PPARGC1A: variants seen among roughly 807,000 people sequenced by gnomAD.
PPARGC1A encodes the protein peroxisome proliferator-activated receptor gamma coactivator 1-alpha.
A neutral mutation model predicts 88.7 loss-of-function variants in PPARGC1A; 25 were observed. The ratio of observed to expected loss-of-function variants is 0.28; its 90% CI spans 0.21 to 0.39. PPARGC1A has a LOEUF of 0.39. Among genes scored for constraint, PPARGC1A ranks in the 10% least tolerant of loss-of-function variants. The probability of loss-of-function intolerance (pLI) is 1.00; values close to 1 mark genes in which losing one functional copy is unlikely to be tolerated. For missense variants in PPARGC1A, 880 were observed against 968.7 expected (o/e 0.91, Z 1.22); for synonymous variants, 363 against 355.6 (o/e 1.02, Z -0.24).
chr4:24,429,582 AG>A, the PPARGC1A span, among the ~76,000 whole-genome samples: 6 of 152,262 alleles, frequency 3.9e-5, no homozygotes, highest in South Asian at 1.2e-3. Context: ...CCAACAGAAA[AG>A]CAAAGCAGCC....
At chr4:24,153,114 C>G in the PPARGC1A span, among the ~76,000 whole-genome samples, 3 of 152,152 alleles carry the variant, frequency 2.0e-5, no homozygotes, top group Non-Finnish European at 4.4e-5. Context: ...AAATGCAGAA[C>G]TCAGATTCAG....
chr4:23,997,591 C>T, the PPARGC1A span, among the ~76,000 whole-genome samples: 7 of 150,620 alleles, frequency 4.6e-5, no homozygotes, highest in African/African-American at 1.7e-4. Context: ...CAACCTCCAC[C>T]TCCTGGGTTC....
chr4:24,161,961 T>TATATAC, the PPARGC1A span, among the ~76,000 whole-genome samples: 7 of 133,862 alleles, frequency 5.2e-5, no homozygotes, highest in Non-Finnish European at 7.9e-5. Context: ...AATTGTGATA[T>TATATAC]ACACACACAC....
At chr4:24,111,465 T>C in the PPARGC1A span, among the ~76,000 whole-genome samples, 6 of 152,206 alleles carry the variant, frequency 3.9e-5, no homozygotes, top group African/African-American at 1.4e-4. Flanking sequence ...ACAACTAACT[T>C]GCTACCAGAT....
At chr4:23,997,356 T>A in the PPARGC1A span, among the ~76,000 whole-genome samples, 28 of 152,258 alleles carry the variant, frequency 1.8e-4, no homozygotes, top group Admixed American at 7.8e-4. Context: ...TCCTTTTTTT[T>A]ATCTAAGGTT....
At position 23,896,186 on chromosome 4, in the gene PPARGC1A, C is replaced by G. The variant is rs4536908; in HGVS notation, n.52+3081G>C. 1.6e-3 allele frequency among the ~76,000 whole-genome samples: 243 copies of G among 151,716 alleles called. 1 individual carries two copies. Among genetic ancestry groups the G allele is most frequent in the African/African-American group, 5.0e-3 (209 of 41,414 alleles). On this transcript the variant is annotated intron_variant and non_coding_transcript_variant, in intron 1 of 3. Coordinates refer to the PPARGC1A transcript ENST00000507342. ...TGAGGAGGAAATGTAACAAGCTGTT[C>G]GTAGTGGCTGACGACGTTATAAGTA...
At chr4:23,993,808 A>G in the PPARGC1A span, among the ~76,000 whole-genome samples, 1 of 152,162 alleles carries the variant, frequency 6.6e-6, no homozygotes, top group African/African-American at 2.4e-5. Flanking sequence ...GATAGAAGGA[A>G]GAAAGCTTTC....
chr4:23,894,841 T>C (rs1279961236), upstream of PPARGC1A, among the ~76,000 whole-genome samples: 1 of 152,168 alleles, frequency 6.6e-6, no homozygotes, highest in Non-Finnish European at 1.5e-5. Context: ...TGATTTTGTC[T>C]GATGTTCAAC....
the PPARGC1A span, among the ~76,000 whole-genome samples, chr4:24,357,752 T>A: frequency 6.6e-6 from 1 of 152,198 alleles, no homozygotes; most frequent in Non-Finnish European, 1.5e-5. Context: ...ATAAGTCTCA[T>A]GATATCTGAT....
the PPARGC1A span, among the ~76,000 whole-genome samples, chr4:24,446,744 C>T: frequency 1.3e-5 from 2 of 151,934 alleles, no homozygotes; most frequent in African/African-American, 4.8e-5. Flanking sequence ...TTACAGGTGC[C>T]TGCTACCACG....
chr4:24,137,014 T>C, the PPARGC1A span, among the ~76,000 whole-genome samples: 1 of 148,162 alleles, frequency 6.7e-6, no homozygotes, highest in African/African-American at 2.5e-5. Context: ...CTCAGGAGGC[T>C]AAGGCAGGAG....
intron 2 of PPARGC1A, among the ~76,000 whole-genome samples, chr4:23,850,955 A>G (rs1272000916): frequency 6.6e-6 from 1 of 152,142 alleles, no homozygotes; most frequent in Non-Finnish European, 1.5e-5. Context: ...TGTTAATTTT[A>G]TTTTCAAGAT....
chr4:24,081,565 T>C, the PPARGC1A span, among the ~76,000 whole-genome samples: 1 of 152,128 alleles, frequency 6.6e-6, no homozygotes, highest in African/African-American at 2.4e-5. Flanking sequence ...AAGATCTTAC[T>C]TTTCCACCAC....
At chr4:24,098,328 T>C in the PPARGC1A span, among the ~76,000 whole-genome samples, 1 of 152,184 alleles carries the variant, frequency 6.6e-6, no homozygotes, top group African/African-American at 2.4e-5. Flanking sequence ...AGCAAAATAG[T>C]GGCAAATACA....
the PPARGC1A span, among the ~76,000 whole-genome samples, chr4:24,346,515 T>C: frequency 6.6e-6 from 1 of 152,302 alleles, no homozygotes; most frequent in East Asian, 1.9e-4. Context: ...AGGAAAGTTG[T>C]ATTTTTCCAG....
At chr4:24,238,569 G>A in the PPARGC1A span, among the ~76,000 whole-genome samples, 1 of 152,122 alleles carries the variant, frequency 6.6e-6, no homozygotes, top group African/African-American at 2.4e-5. Context: ...CAGCATTGCA[G>A]CACTCCTGTA....
the PPARGC1A span, among the ~76,000 whole-genome samples, chr4:24,137,833 T>C: frequency 6.6e-6 from 1 of 152,206 alleles, no homozygotes; most frequent in Non-Finnish European, 1.5e-5. Flanking sequence ...ATCCTTTCCC[T>C]GAAATGCTAT....
chr4:24,102,588 C>G, the PPARGC1A span, among the ~76,000 whole-genome samples: 2 of 152,224 alleles, frequency 1.3e-5, no homozygotes, highest in Non-Finnish European at 2.9e-5. Flanking sequence ...AGATGCAAAA[C>G]TACATCTTCT....
chr4:24,028,342 C>G, the PPARGC1A span, among the ~76,000 whole-genome samples: 2 of 152,140 alleles, frequency 1.3e-5, no homozygotes. Flanking sequence ...TTAACTGCAT[C>G]GAATCAAATA....
Sources: gnomAD v4.1 joint callset for allele counts (sites outside exome capture counted in the v4.1 genomes callset) on GRCh38, gnomAD v4.1.1 for gene constraint, MANE v1.5 for transcripts, NCBI Gene and HGNC (gene_info 2026-07-23, HGNC 2026-07-21) for gene names.